Variants in SYNE1 observed in about 807,000 individuals in gnomAD.
SYNE1 encodes the protein spectrin repeat containing nuclear envelope protein 1.
A neutral mutation model predicts 1,111.0 loss-of-function variants in SYNE1; 616 were observed. The ratio of observed to expected loss-of-function variants is 0.55; its 90% CI spans 0.52 to 0.59. SYNE1 has a LOEUF of 0.59. SYNE1 is among the 20% of genes least tolerant of loss of function. The probability of loss-of-function intolerance (pLI) is 0.00; values close to 1 mark genes in which losing one functional copy is unlikely to be tolerated. For synonymous variants in SYNE1, 3,855 were observed against 3,825.8 expected (o/e 1.01, Z -0.28); for missense variants, 10,006 against 10,417.0 (o/e 0.96, Z 1.72).
intron 58 of SYNE1, among the ~76,000 whole-genome samples, chr6:152,373,932 C>T (rs1217415770): frequency 1.3e-5 from 2 of 152,168 alleles, no homozygotes; most frequent in African/African-American, 4.8e-5. Flanking sequence ...GTAAACACAA[C>T]CAGGGACAAG....
Position 152,178,680 on chromosome 6 carries a change from C to T in SYNE1, c.23460+1456G>A, listed in dbSNP as rs1464306329. Among the ~76,000 whole-genome samples the T allele has an allele frequency of 2.0e-5, 3 of 152,084 alleles. No individual in the cohort carries two copies. The South Asian group carries it at 6.2e-4, about 32-fold the overall frequency. On this transcript the variant is annotated intron_variant, in intron 129 of 145. Transcript: ENST00000367255. ...GGCTGAGTGCTTATGAGAAGTTAGG[C>T]ACTGTTTCAGGTGCAGGGGATATAG...
intron 112 of SYNE1, among the ~76,000 whole-genome samples, chr6:152,232,755 C>T (rs959280619): frequency 6.6e-6 from 1 of 152,198 alleles, no homozygotes; most frequent in African/African-American, 2.4e-5. Flanking sequence ...TTCCTCAGCC[C>T]TTAGCTGATA....
At chr6:152,598,303 C>T (rs1401841819) in intron 3 of SYNE1, among the ~76,000 whole-genome samples, 1 of 152,122 alleles carries the variant, frequency 6.6e-6, no homozygotes, top group Non-Finnish European at 1.5e-5. Context: ...CTTATCTTGC[C>T]TGCTGCCATG....
In SYNE1 at chr6:152,463,578, A is replaced by C. The variant is rs139271422; in HGVS notation, c.1933-61T>G. 16 of 1,287,334 alleles carry C rather than the reference A, an allele frequency of 1.2e-5. No homozygotes were observed. In the East Asian group the frequency reaches 3.6e-4, roughly 29 times the overall value. 79.7% of individuals were successfully genotyped at this position (1,287,334 alleles called of 1,614,324 possible). The stretch of plus-strand genomic sequence containing the variant: ...AAACCAAATATCAGTGACTGATATG[A>C]AAGTGACTAAAGTAGGAAAAATATT... On this transcript the variant is annotated intron_variant, in intron 18 of 145. Transcript: ENST00000367255.
chr6:152,248,739 C>G (rs150921197), intron 105 of SYNE1, among the ~76,000 whole-genome samples: 372 of 152,192 alleles, frequency 2.4e-3, no homozygotes, highest in African/African-American at 8.0e-3. Flanking sequence ...TGTTGTGTGT[C>G]CAAACTCTTA....
rs531771414 is a variant in SYNE1, at chr6:152,208,243, T to G, written c.22590-37A>C. The G allele has an allele frequency of 2.5e-6, 4 of 1,579,082 alleles. No homozygotes were observed. In the East Asian group the frequency reaches 6.7e-5, roughly 27 times the overall value. The stretch of plus-strand genomic sequence containing the variant: ...ATAATTACATGGTAAAAAAGCACTG[T>G]TATCTTGGATGCAGTTACGCAATCA... On this transcript the variant is annotated intron_variant, in intron 124 of 145. Transcript: ENST00000367255.
At chr6:152,301,848 G>A (rs1217699873) in intron 92 of SYNE1, 21 bp downstream of exon 92, 1 of 1,593,064 alleles carries the variant, frequency 6.3e-7, no homozygotes, top group Non-Finnish European at 8.6e-7. Flanking sequence ...GCAAAGCCGC[G>A]GGGACCCACT....
chr6:152,399,560 G>C, intron 48 of SYNE1, 56 bp downstream of exon 48: 1 of 1,596,646 alleles, frequency 6.3e-7, no homozygotes, highest in Non-Finnish European at 8.6e-7. Context: ...GGCAGCATTT[G>C]GTTTGGATTC....
chr6:152,300,849 G>A (rs1259494716), intron 92 of SYNE1, 68 bp from the exon 93 acceptor site: 26 of 1,610,188 alleles, frequency 1.6e-5, no homozygotes, highest in Non-Finnish European at 1.9e-5. Flanking sequence ...GTCCTGTTCA[G>A]GCACAGGCCA....
Position 152,148,110 on chromosome 6 carries a change from G to T in SYNE1, c.24911C>A (p.Pro8304His). The T allele has an allele frequency of 6.2e-7, 1 of 1,614,174 alleles. No homozygotes were observed. Among genetic ancestry groups the T allele is most frequent in the Non-Finnish European group, 8.5e-7 (1 of 1,180,040 alleles). Residue 8304 changes from proline to histidine, a missense_variant, in exon 137 of 146, where the codon CCC becomes CAC. This residue lies in a region of SYNE1 where 761 missense variants were observed against 795.5 expected (regional missense o/e 0.96). Transcript: ENST00000367255. The surrounding 1 kb of genome is among the most constrained non-coding windows in gnomAD (Gnocchi z 4.1). ...ATCCTGACCTTCTTCATCCTCAGAG[G>T]GCAGAGCTCTGGACATTGCAGACTC... ...DLESAMSRAL[P>H]SEDEEGQDDK...
intron 34 of SYNE1, among the ~76,000 whole-genome samples, chr6:152,432,749 G>T (rs2098439747): frequency 1.3e-5 from 2 of 152,012 alleles, no homozygotes; most frequent in African/African-American, 2.4e-5. Flanking sequence ...TTTTTTCTTA[G>T]AATTTAGTGA....
intron 3 of SYNE1, among the ~76,000 whole-genome samples, chr6:152,552,940 T>C (rs2099352666): frequency 6.6e-6 from 1 of 152,196 alleles, no homozygotes; most frequent in Non-Finnish European, 1.5e-5. Context: ...ATAAATTTCC[T>C]GAGTGTCAAT....
intron 3 of SYNE1, among the ~76,000 whole-genome samples, chr6:152,544,155 G>A (rs1051593850): frequency 6.6e-6 from 1 of 152,320 alleles, no homozygotes; most frequent in South Asian, 2.1e-4. Context: ...TCGTAAAATG[G>A]ATGAGATGAC....
chr6:152,191,832 G>C (rs2072492555), intron 127 of SYNE1, among the ~76,000 whole-genome samples: 1 of 151,676 alleles, frequency 6.6e-6, no homozygotes, highest in South Asian at 2.1e-4. Context: ...AAGATGCATT[G>C]TTAGGTTATT....
At chr6:152,513,031 T>C (rs1010577173) in intron 6 of SYNE1, among the ~76,000 whole-genome samples, 5 of 152,128 alleles carry the variant, frequency 3.3e-5, no homozygotes, top group African/African-American at 9.7e-5. Flanking sequence ...GTTAGAGATA[T>C]AGAATCTGAG....
chr6:152,183,140 C>T (rs946640902), intron 128 of SYNE1, among the ~76,000 whole-genome samples: 5 of 152,146 alleles, frequency 3.3e-5, no homozygotes, highest in Non-Finnish European at 7.3e-5. Flanking sequence ...CTCTGAGAGC[C>T]GCGTGCACTC....
chr6:152,505,099 C>A (rs2099050644), intron 9 of SYNE1, 102 bp downstream of exon 9: 1 of 1,329,946 alleles, frequency 7.5e-7, no homozygotes, highest in Non-Finnish European at 1.1e-6. Context: ...CTCCAGCTTT[C>A]TGGCCTCCAA....
intron 127 of SYNE1, 27 bp downstream of exon 127, chr6:152,201,797 G>T (rs377056117): frequency 6.2e-7 from 1 of 1,613,662 alleles, no homozygotes; most frequent in Non-Finnish European, 8.5e-7. Context: ...CACAGGTGAC[G>T]GTGAAAATCT....
At chr6:152,442,039 C>T (rs553729021) in intron 31 of SYNE1, 36 bp downstream of exon 31, 2 of 1,613,108 alleles carry the variant, frequency 1.2e-6, no homozygotes, top group Admixed American at 1.7e-5. Flanking sequence ...CACTGCCCAG[C>T]CTCTGTTTAA....
Sources: gnomAD v4.1 joint callset for allele counts (sites outside exome capture counted in the v4.1 genomes callset) on GRCh38, gnomAD v4.1.1 for gene constraint, gnomAD v4.1.1 regional missense constraint, Gnocchi (gnomAD v3.1) non-coding constraint, MANE v1.5 for transcripts, NCBI Gene and HGNC (gene_info 2026-07-23, HGNC 2026-07-21) for gene names.